Variants in RBFOX1 observed in about 807,000 individuals in gnomAD.
RBFOX1 encodes RNA binding fox-1 homolog 1.
In RBFOX1, 8 loss-of-function variants were observed where a neutral mutation model predicts 57.7. The ratio of observed to expected loss-of-function variants is 0.14; its 90% confidence interval spans 0.08 to 0.25. The LOEUF (loss-of-function observed/expected upper bound fraction) is 0.25. Among genes scored for constraint, RBFOX1 ranks in the 10% least tolerant of loss-of-function variants. The probability of loss-of-function intolerance (pLI) is 1.00; values close to 1 mark genes in which losing one functional copy is unlikely to be tolerated. For missense variants in RBFOX1, 611 were observed against 548.5 expected (o/e 1.11, Z -1.14); for synonymous variants, 326 against 222.4 (o/e 1.47, Z -4.15).
chr16:6,117,083 C>T (rs987348975), intron 1 of RBFOX1, among the ~76,000 whole-genome samples: 5 of 152,170 alleles, frequency 3.3e-5, no homozygotes, highest in Non-Finnish European at 7.3e-5. Flanking sequence ...CTGATGCCCT[C>T]ACCAAAGCCT....
intron 1 of RBFOX1, among the ~76,000 whole-genome samples, chr16:5,298,963 C>T (rs1370792461): frequency 7.8e-6 from 1 of 128,368 alleles, no homozygotes; most frequent in Non-Finnish European, 1.6e-5. Context: ...TTAAAATGCA[C>T]AGATCTTAAG....
At chr16:5,284,756 A>ATTTTTTTTTGTTTTTTTTTT (rs2063351690) in intron 1 of RBFOX1, among the ~76,000 whole-genome samples, 1 of 61,032 alleles carries the variant, frequency 1.6e-5, no homozygotes, top group Non-Finnish European at 3.0e-5. Flanking sequence ...TTTGGCTTAG[A>ATTTTTTTTTGTTTTTTTTTT]TTTTTTTTTT....
chr16:7,290,687 A>T (rs2095752365), intron 4 of RBFOX1, among the ~76,000 whole-genome samples: 1 of 152,240 alleles, frequency 6.6e-6, no homozygotes, highest in South Asian at 2.1e-4. Context: ...GTGAGCATGC[A>T]ACATTAAGAG....
chr16:6,819,494 G>A (rs565099619), intron 3 of RBFOX1, among the ~76,000 whole-genome samples: 6 of 151,990 alleles, frequency 3.9e-5, no homozygotes, highest in African/African-American at 7.2e-5. Context: ...ACCTGAGGTC[G>A]GGAGTTTGAG....
intron 2 of RBFOX1, among the ~76,000 whole-genome samples, chr16:6,459,298 T>C (rs371517194): frequency 4.4e-4 from 67 of 152,296 alleles, no homozygotes; most frequent in African/African-American, 1.5e-3. Context: ...ATGGCGCCAC[T>C]GCACTCCAGC....
At position 5,368,109 on chromosome 16, in the gene RBFOX1, A is replaced by T. The variant is rs555948860; in HGVS notation, c.220-99107A>T. ...GTTCAGCCCATTAGATTTGTCATAA[A>T]TGTATGATGAATGGTAATTCCCTGA... On this transcript the variant is annotated intron_variant, in intron 1 of 2. Coordinates refer to the RBFOX1 transcript ENST00000585867. Among the ~76,000 whole-genome samples the T allele has an allele frequency of 3.3e-5, 5 of 152,344 alleles. No individual in the cohort carries two copies. In the East Asian group the frequency reaches 9.6e-4, roughly 29 times the overall value.
chr16:7,699,420 G>A (rs1178460588), intron 14 of RBFOX1, among the ~76,000 whole-genome samples: 1 of 152,150 alleles, frequency 6.6e-6, no homozygotes, highest in Non-Finnish European at 1.5e-5. Flanking sequence ...TCAAACTCCT[G>A]GCCTCAAGCC....
At chr16:7,048,894 C>T (rs1281005266) in intron 3 of RBFOX1, among the ~76,000 whole-genome samples, 6 of 152,136 alleles carry the variant, frequency 3.9e-5, no homozygotes, top group South Asian at 2.1e-4. Context: ...AATCTTGTTG[C>T]ATTCAGGCTG....
intron 4 of RBFOX1, among the ~76,000 whole-genome samples, chr16:7,370,527 C>CCTCCCCA: frequency 6.6e-6 from 1 of 152,276 alleles, no homozygotes; most frequent in Admixed American, 6.5e-5. Flanking sequence ...CCCCACGCTC[C>CCTCCCCA]CTCCCCACTC....
intron 4 of RBFOX1, among the ~76,000 whole-genome samples, chr16:5,919,218 G>T (rs1479351972): frequency 6.6e-6 from 1 of 152,218 alleles, no homozygotes; most frequent in Non-Finnish European, 1.5e-5. Context: ...TCCCTGGATG[G>T]TTCTAGTTAA....
chr16:7,522,637 G>A (rs1480149900), intron 5 of RBFOX1, among the ~76,000 whole-genome samples: 1 of 152,120 alleles, frequency 6.6e-6, no homozygotes, highest in East Asian at 1.9e-4. Context: ...GAAAGCAGTT[G>A]GTAGGATAGT....
At chr16:5,745,526 C>G (rs1192301139) in intron 3 of RBFOX1, among the ~76,000 whole-genome samples, 1 of 152,186 alleles carries the variant, frequency 6.6e-6, no homozygotes, top group Non-Finnish European at 1.5e-5. Flanking sequence ...TTACTGTCTT[C>G]CACAATGGTT....
At chr16:7,181,863 C>T (rs527645510) in intron 4 of RBFOX1, among the ~76,000 whole-genome samples, 1 of 152,186 alleles carries the variant, frequency 6.6e-6, no homozygotes, top group African/African-American at 2.4e-5. Context: ...ACCCGGGCCC[C>T]AGAGGAGAGC....
At chr16:5,555,044 G>T (rs2045616432) in intron 2 of RBFOX1, among the ~76,000 whole-genome samples, 1 of 152,106 alleles carries the variant, frequency 6.6e-6, no homozygotes, top group African/African-American at 2.4e-5. Flanking sequence ...TCCCAGAAGA[G>T]AGAAGTTTTC....
intron 9 of RBFOX1, among the ~76,000 whole-genome samples, chr16:7,599,299 A>T (rs1009249676): frequency 6.6e-6 from 1 of 152,268 alleles, no homozygotes; most frequent in Non-Finnish European, 1.5e-5. Flanking sequence ...GCCCAGGCAC[A>T]TGTGTGCTTG....
chr16:6,021,965 G>C (rs1240642860), intron 1 of RBFOX1, among the ~76,000 whole-genome samples: 1 of 152,122 alleles, frequency 6.6e-6, no homozygotes, highest in East Asian at 1.9e-4. Context: ...GAGCCTTGTA[G>C]CACCGAGTGG....
chr16:6,959,197 G>C (rs1490947834), intron 3 of RBFOX1, among the ~76,000 whole-genome samples: 3 of 152,076 alleles, frequency 2.0e-5, no homozygotes, highest in South Asian at 2.1e-4. Flanking sequence ...ATACTCGCTC[G>C]ATTTCAGATT....
At chr16:7,069,176 C>G (rs1240650841) in intron 4 of RBFOX1, among the ~76,000 whole-genome samples, 2 of 151,712 alleles carry the variant, frequency 1.3e-5, no homozygotes, top group Non-Finnish European at 2.9e-5. Context: ...TTTTTTAATC[C>G]TTTAATTTAT....
intron 4 of RBFOX1, among the ~76,000 whole-genome samples, chr16:7,235,668 G>A (rs1267431972): frequency 6.6e-6 from 1 of 152,182 alleles, no homozygotes; most frequent in Non-Finnish European, 1.5e-5. Flanking sequence ...CCTCTGCCAT[G>A]ACATCAAGAA....
Sources: allele counts gnomAD v4.1 joint callset (sites outside exome capture counted in the v4.1 genomes callset), GRCh38; gene constraint gnomAD v4.1.1; transcripts MANE v1.5; gene names NCBI Gene and HGNC (gene_info 2026-07-23, HGNC 2026-07-21).